MAK: variants seen among roughly 807,000 people sequenced by gnomAD.
MAK encodes serine/threonine-protein kinase MAK.
Under a neutral mutation model 82.6 loss-of-function variants are expected in MAK, and 65 were observed. That is an observed-to-expected ratio of 0.79 (90% confidence interval 0.64 to 0.97). The LOEUF is 0.97. Among genes scored for constraint, MAK ranks in the 50% least tolerant of loss-of-function variants. MAK has a pLI of 0.00. For missense variants in MAK, 703 were observed against 780.2 expected (o/e 0.90, Z 1.18); for synonymous variants, 250 against 274.2 (o/e 0.91, Z 0.87).
rs772211267 is a variant in MAK, at chr6:10,801,854, A to G, written c.831+38T>C. On this transcript the variant is annotated intron_variant, in intron 8 of 14. Transcript: ENST00000354489. ...AAACATCCCTGATATTACAAAACCT[A>G]AACATTTTTAAAGGTCTAACAGGAA... 4 of 1,601,244 alleles carry G rather than the reference A, an allele frequency of 2.5e-6. No individual in the cohort carries two copies. The African/African-American group carries it at 5.3e-5, about 21-fold the overall frequency.
At chr6:10,769,085 G>C (rs767148156) in intron 14 of MAK, among the ~76,000 whole-genome samples, 2 of 152,122 alleles carry the variant, frequency 1.3e-5, no homozygotes, top group African/African-American at 2.4e-5. Context: ...ACGGTCGTGT[G>C]TGCCTGTAGT....
At chr6:10,767,454 G>T (rs1336949726) in intron 14 of MAK, among the ~76,000 whole-genome samples, 1 of 152,136 alleles carries the variant, frequency 6.6e-6, no homozygotes, top group East Asian at 1.9e-4. Context: ...GGATAAGGAA[G>T]TATTAGGGGA....
In MAK at chr6:10,796,229, A is replaced by C; in HGVS notation, c.912T>G (p.Asn304Lys). The C allele has an allele frequency of 6.2e-7, 1 of 1,614,182 alleles. No homozygotes were observed. The highest frequency in any genetic ancestry group is 1.1e-5 in the South Asian group (1 of 91,076). ...SNHLESKQSL[N>K]KQLQPLESKP... The stretch of plus-strand genomic sequence containing the variant: ...TTGATTCTAATGGTTGCAGCTGCTT[A>C]TTTAAAGACTGTTTTGATTCCAGAT... The change falls in exon 9 of 15, where the codon AAT (asparagine) becomes AAG (lysine). Residue 304 changes from asparagine to lysine, a missense_variant. Physicochemically the swap from Asn to Lys is moderately conservative, Grantham distance 94 (BLOSUM62 0). Coordinates refer to ENST00000354489, the MANE Select transcript of MAK (RefSeq NM_001242957.3).
intron 8 of MAK, among the ~76,000 whole-genome samples, chr6:10,798,197 A>C (rs1024926078): frequency 5.0e-5 from 7 of 139,612 alleles, no homozygotes; most frequent in African/African-American, 8.3e-5. Context: ...GGCTCACTGC[A>C]TCCGCCTCCT....
intron 2 of MAK, 23 bp from the exon 3 acceptor site, chr6:10,818,963 T>C: frequency 1.5e-6 from 2 of 1,369,892 alleles, no homozygotes; most frequent in Non-Finnish European, 2.1e-6. Context: ...AGGGAAAGTT[T>C]AGTGTTCAGG....
Position 10,794,665 on chromosome 6 carries a change from G to A in MAK, c.1143+1333C>T, listed in dbSNP as rs574902914. Among the ~76,000 whole-genome samples, 16 of 152,224 alleles carry A rather than the reference G, an allele frequency of 1.1e-4. No individual in the cohort carries two copies. The South Asian group carries it at 3.3e-3, about 32-fold the overall frequency. ...AGCTCCTGGAGCTGAACAAAAGATG[G>A]AAGAAAAAGTTTTATACTATGCCTG... On this transcript the variant is annotated intron_variant, in intron 9 of 14. Transcript: ENST00000354489.
intron 8 of MAK, chr6:10,797,758 A>C: frequency 2.4e-6 from 3 of 1,227,026 alleles, no homozygotes; most frequent in Non-Finnish European, 2.1e-6. Context: ...CCCATGTGTA[A>C]GGGCAGTTTT....
At chr6:10,779,514 C>A (rs531460625) in intron 11 of MAK, 175 of 983,324 alleles carry the variant, frequency 1.8e-4, no homozygotes, top group Admixed American at 6.8e-4. Context: ...TTATATGGTA[C>A]ATTTCTAGAG....
At chr6:10,819,239 T>G (rs1027947550) in intron 2 of MAK, among the ~76,000 whole-genome samples, 1 of 152,204 alleles carries the variant, frequency 6.6e-6, no homozygotes, top group Non-Finnish European at 1.5e-5. Flanking sequence ...CTTTTCAAGA[T>G]TCTCTCTTTT....
chr6:10,767,806 A>AAAC (rs1772599486), intron 14 of MAK, among the ~76,000 whole-genome samples: 1 of 129,902 alleles, frequency 7.7e-6, no homozygotes, highest in Non-Finnish European at 1.6e-5. Context: ...AAAAAAAAAA[A>AAAC]AAAAACAAAA....
chr6:10,808,543 G>T (rs921694017), intron 6 of MAK, among the ~76,000 whole-genome samples: 2 of 152,008 alleles, frequency 1.3e-5, no homozygotes, highest in Non-Finnish European at 2.9e-5. Flanking sequence ...TGTGTTCTCT[G>T]TGCCTAAAAT....
rs1777065483 is a variant in MAK at position 10,812,957 on chromosome 6, GT to G, written c.358+686del. On this transcript the variant is annotated intron_variant, in intron 5 of 14. Coordinates refer to ENST00000354489, the MANE Select transcript of MAK (RefSeq NM_001242957.3). ...TTTTTACATTTTTAGTAGAGATGGG[GT>G]TTCACCATGTTGGCCAGGCTGGTCT... 1.4e-5 allele frequency among the ~76,000 whole-genome samples: 2 copies of G among 145,822 alleles called. 1 individual carries two copies. Among genetic ancestry groups the G allele is most frequent in the Admixed American group, 1.4e-4 (2 of 14,266 alleles).
chr6:10,779,674 T>A (rs1773784490), intron 11 of MAK, among the ~76,000 whole-genome samples: 1 of 152,080 alleles, frequency 6.6e-6, no homozygotes, highest in Non-Finnish European at 1.5e-5. Flanking sequence ...TGTCAAGGAT[T>A]GTTTCTTTTT....
rs1393286211 is a variant in MAK, at chr6:10,776,733, A to C, written c.1466-1274T>G. ...AAGGAAACACTTCATCAGGCAAGTA[A>C]TTTCCCTTTCTTTATAGGATATAAC... is the stretch of plus-strand genomic sequence containing the variant. On this transcript the variant is annotated intron_variant, in intron 11 of 14. Coordinates refer to ENST00000354489, the MANE Select transcript of MAK (RefSeq NM_001242957.3). This position sits in a 1 kb window ranked among gnomAD's most constrained non-coding sequence, Gnocchi z 4.3. 6.6e-6 allele frequency among the ~76,000 whole-genome samples: 1 copy of C among 152,178 alleles called. No homozygotes were observed. Among genetic ancestry groups the C allele is most frequent in the African/African-American group, 2.4e-5 (1 of 41,448 alleles).
intron 1 of MAK, among the ~76,000 whole-genome samples, chr6:10,831,478 G>A (rs563826324): frequency 3.3e-5 from 5 of 152,284 alleles, no homozygotes; most frequent in African/African-American, 9.6e-5. Flanking sequence ...ATAGCCGGGC[G>A]TGGTGGCTGA....
chr6:10,809,311 G>C (rs907625645), intron 5 of MAK, among the ~76,000 whole-genome samples: 1 of 152,220 alleles, frequency 6.6e-6, no homozygotes. Context: ...TTGTGCAATA[G>C]AGGAGGAGGT....
In MAK at chr6:10,801,020, A is replaced by G. The variant is rs1017393675; in HGVS notation, c.831+872T>C. ...TGTGCTGACTCATATGTTCTGCAAC[A>G]TTCAGCTATTTGTCAATTCTTATGC... On this transcript the variant is annotated intron_variant, in intron 8 of 14. Transcript: ENST00000354489. Among the ~76,000 whole-genome samples the G allele has an allele frequency of 2.0e-5, 3 of 146,538 alleles. No individual in the cohort carries two copies. In the East Asian group the frequency reaches 5.8e-4, roughly 28 times the overall value.
intron 9 of MAK, among the ~76,000 whole-genome samples, chr6:10,795,720 G>A (rs557500964): frequency 6.6e-6 from 1 of 152,264 alleles, no homozygotes; most frequent in East Asian, 1.9e-4. Flanking sequence ...CTCCAGCCTA[G>A]GCAACAAAAG....
rs151173816 is a variant in MAK at position 10,793,764 on chromosome 6, TAAATATTAACTTCC to T, written c.1144-1931_1144-1918del. On this transcript the variant is annotated intron_variant, in intron 9 of 14. Coordinates refer to ENST00000354489, the MANE Select transcript of MAK (RefSeq NM_001242957.3). The surrounding 1 kb of genome is among the most constrained non-coding windows in gnomAD (Gnocchi z 4.6). ...TGCATGGCACTTGGAAGCTACTCAATAAATATTAACTTCCTTTCCTTCCCTCACAATATGAGTCA... is the reference window on the plus strand; with the variant it reads ...TGCATGGCACTTGGAAGCTACTCAATTTTCCTTCCCTCACAATATGAGTCA... Among the ~76,000 whole-genome samples the T allele has an allele frequency of 0.014, 2,171 of 152,276 alleles. 48 individuals carry two copies. Among genetic ancestry groups the T allele is most frequent in the African/African-American group, 0.049 (2,046 of 41,542 alleles).
Sources: gnomAD v4.1 joint callset for allele counts (sites outside exome capture counted in the v4.1 genomes callset) on GRCh38, gnomAD v4.1.1 for gene constraint, Gnocchi (gnomAD v3.1) non-coding constraint, MANE v1.5 for transcripts, NCBI Gene and HGNC (gene_info 2026-07-23, HGNC 2026-07-21) for gene names.